BMPR1B: variants seen among roughly 807,000 people sequenced by gnomAD.
The protein encoded by BMPR1B is bone morphogenetic protein receptor type 1B.
In BMPR1B, 12 loss-of-function variants were observed where a neutral mutation model predicts 59.1. The observed-to-expected ratio is 0.20, with a 90% CI of 0.13 to 0.33. BMPR1B has a LOEUF of 0.33. Ranked by LOEUF, BMPR1B falls within the 10% of genes least tolerant of loss-of-function variation. The pLI, the probability that BMPR1B is intolerant of heterozygous loss-of-function variation, is 1.00. For synonymous variants in BMPR1B, 237 were observed against 207.3 expected (o/e 1.14, Z -1.23); for missense variants, 550 against 610.9 (o/e 0.90, Z 1.05).
In BMPR1B at chr4:95,155,016, A is replaced by G. The variant is rs1286545992; in HGVS notation, c.*343A>G. The G allele has an allele frequency of 6.4e-6, 2 of 311,810 alleles. No individual in the cohort carries two copies. The highest frequency in any genetic ancestry group is 1.2e-5 in the Non-Finnish European group (2 of 160,762). The allele number at this position is 311,810 out of a possible 1,614,324, so 19.3% of individuals were successfully genotyped here. A position where few individuals can be genotyped will look rare whatever the true frequency, so the allele number is the denominator to read the frequency against. On this transcript the variant is annotated 3_prime_UTR_variant, in exon 13 of 13. Coordinates refer to ENST00000515059, the MANE Select transcript of BMPR1B (RefSeq NM_001203.3). ...TGCCAAAATAAAACAGATAATGTGG[A>G]TGGTTTAAGGGTTATAGTATTATAG... is the stretch of plus-strand genomic sequence containing the variant.
intron 1 of BMPR1B, among the ~76,000 whole-genome samples, chr4:94,833,498 G>C (rs1204698861): frequency 6.6e-6 from 1 of 151,976 alleles, no homozygotes; most frequent in Non-Finnish European, 1.5e-5. Flanking sequence ...CTCATGAAAT[G>C]CTTGTTATTA....
At chr4:94,972,604 A>G (rs1034920480) in intron 2 of BMPR1B, among the ~76,000 whole-genome samples, 2 of 151,290 alleles carry the variant, frequency 1.3e-5, no homozygotes, top group African/African-American at 4.9e-5. Context: ...ATATTTCATC[A>G]TTGGTCACTT....
At chr4:95,017,740 G>A (rs73836088) in intron 3 of BMPR1B, among the ~76,000 whole-genome samples, 1,590 of 152,218 alleles carry the variant, frequency 0.01, 27 homozygotes, top group African/African-American at 0.037. Context: ...TGTGTATACT[G>A]TACTGCCACT....
intron 1 of BMPR1B, among the ~76,000 whole-genome samples, chr4:94,829,939 T>C (rs1724514963): frequency 6.6e-6 from 1 of 152,214 alleles, no homozygotes. Context: ...TAGGCAGTTT[T>C]ATTTAGATAA....
intron 1 of BMPR1B, among the ~76,000 whole-genome samples, chr4:94,830,349 A>G (rs1021738197): frequency 2.0e-5 from 3 of 152,194 alleles, no homozygotes; most frequent in East Asian, 1.9e-4. Context: ...ACACTTTGCT[A>G]TACTTTGTAT....
intron 3 of BMPR1B, among the ~76,000 whole-genome samples, chr4:95,011,208 T>C (rs554271134): frequency 6.6e-6 from 1 of 152,156 alleles, no homozygotes; most frequent in Admixed American, 6.5e-5. Context: ...CAGTCCCCAA[T>C]AGTTATTTTT....
At chr4:95,081,334 A>AT (rs1428118398) in intron 3 of BMPR1B, among the ~76,000 whole-genome samples, 33 of 152,148 alleles carry the variant, frequency 2.2e-4, no homozygotes, top group African/African-American at 7.7e-4. Context: ...ATTAAACAAA[A>AT]TTTTTACTAG....
chr4:94,766,580 G>A (rs1217769702), intron 1 of BMPR1B, among the ~76,000 whole-genome samples: 2 of 151,788 alleles, frequency 1.3e-5, no homozygotes, highest in African/African-American at 4.8e-5. Context: ...GTTACTTATT[G>A]TTATTTTTTT....
At chr4:94,828,989 T>TA (rs61605288) in intron 1 of BMPR1B, among the ~76,000 whole-genome samples, 375 of 144,086 alleles carry the variant, frequency 2.6e-3, no homozygotes, top group Non-Finnish European at 2.2e-3. Flanking sequence ...GAGAAGTCAT[T>TA]AAAAAAAAAA....
intron 3 of BMPR1B, chr4:94,996,351 C>T (rs1383769815): frequency 3.9e-5 from 6 of 152,162 alleles, no homozygotes; most frequent in Non-Finnish European, 8.8e-5. Flanking sequence ...GTAGGAACAG[C>T]TCTCAAGCAC....
At chr4:95,031,273 GGAATT>G (rs567477017) in intron 3 of BMPR1B, among the ~76,000 whole-genome samples, 1 of 152,082 alleles carries the variant, frequency 6.6e-6, no homozygotes, top group Non-Finnish European at 1.5e-5. Flanking sequence ...GAAATTATGT[GGAATT>G]GAATTGAGAG....
intron 1 of BMPR1B, among the ~76,000 whole-genome samples, chr4:94,794,025 A>G (rs2110607943): frequency 6.6e-6 from 1 of 150,680 alleles, no homozygotes; most frequent in Non-Finnish European, 1.5e-5. Flanking sequence ...TAGTTTAATT[A>G]GATCCCATTT....
intron 1 of BMPR1B, among the ~76,000 whole-genome samples, chr4:94,774,404 G>A (rs1722293039): frequency 6.6e-6 from 1 of 151,970 alleles, no homozygotes; most frequent in African/African-American, 2.4e-5. Context: ...CATAGTGAAT[G>A]GATTAGGGTT....
chr4:95,096,154 T>A (rs1178111430), intron 3 of BMPR1B, among the ~76,000 whole-genome samples: 1 of 151,326 alleles, frequency 6.6e-6, no homozygotes, highest in Non-Finnish European at 1.5e-5. Context: ...TTAAAGAAGT[T>A]ATTTTACAGT....
intron 2 of BMPR1B, among the ~76,000 whole-genome samples, chr4:94,985,116 T>A (rs1259136444): frequency 6.6e-6 from 1 of 152,018 alleles, no homozygotes; most frequent in African/African-American, 2.4e-5. Context: ...GAAATGAATC[T>A]GAAAGGACAG....
In BMPR1B at chr4:95,056,550, A is replaced by G. The variant is rs571398836; in HGVS notation, c.-17-47858A>G. Among the ~76,000 whole-genome samples, 85 of 152,334 alleles carry G rather than the reference A, an allele frequency of 5.6e-4. 1 individual carries two copies. The highest frequency in any genetic ancestry group is 3.7e-4 in the Non-Finnish European group (25 of 68,016). ...GACCCAGCAGGCCAGGAGGACCGGA[A>G]CATCTCCTTGTCTATGTCTGTCTCT... On this transcript the variant is annotated intron_variant, in intron 3 of 12. Transcript: ENST00000515059.
chr4:94,804,994 C>T (rs1723552623), intron 1 of BMPR1B, among the ~76,000 whole-genome samples: 1 of 152,126 alleles, frequency 6.6e-6, no homozygotes, highest in Non-Finnish European at 1.5e-5. Flanking sequence ...CCAGGATGTA[C>T]ACTTTTCTGG....
chr4:95,141,613 A>G (rs925774948), intron 10 of BMPR1B, among the ~76,000 whole-genome samples: 1 of 152,210 alleles, frequency 6.6e-6, no homozygotes, highest in Non-Finnish European at 1.5e-5. Context: ...GTGCTGGCGG[A>G]CATCACCATT....
chr4:94,986,330 A>G (rs1449531881), intron 2 of BMPR1B, among the ~76,000 whole-genome samples: 1 of 152,226 alleles, frequency 6.6e-6, no homozygotes, highest in Non-Finnish European at 1.5e-5. Context: ...GAAGTAAATT[A>G]GAGGATGGAA....
Sources: gnomAD v4.1 joint callset for allele counts (sites outside exome capture counted in the v4.1 genomes callset) on GRCh38, gnomAD v4.1.1 for gene constraint, MANE v1.5 for transcripts, NCBI Gene and HGNC (gene_info 2026-07-23, HGNC 2026-07-21) for gene names.